NXPE2: variants seen among roughly 807,000 people sequenced by gnomAD.
NXPE2 encodes NXPE family member 2.
In NXPE2, 34 loss-of-function variants were observed where a neutral mutation model predicts 34.4. The ratio of observed to expected loss-of-function variants is 0.99; its 90% CI spans 0.75 to 1.31. The LOEUF (loss-of-function observed/expected upper bound fraction) is 1.31. NXPE2 is among the 40% of genes most tolerant of loss of function. NXPE2 has a pLI of 0.00. For synonymous variants in NXPE2, 235 were observed against 231.3 expected, an observed-to-expected ratio of 1.02 and a Z score of -0.15; for missense variants, 649 against 672.5, an observed-to-expected ratio of 0.97 and a Z score of 0.39.
the NXPE2 span, among the ~76,000 whole-genome samples, chr11:114,538,778 G>A: frequency 1.3e-5 from 2 of 152,028 alleles, no homozygotes; most frequent in African/African-American, 4.8e-5. Flanking sequence ...AAAAAGTCAG[G>A]AAACAACAGG....
At chr11:114,632,883 T>TAATTA in the NXPE2 span, among the ~76,000 whole-genome samples, 1 of 52,616 alleles carries the variant, frequency 1.9e-5, no homozygotes, top group Non-Finnish European at 3.3e-5. Flanking sequence ...TATAATTATA[T>TAATTA]ATTATATAAT....
chr11:114,674,674 C>G (rs1950837997), upstream of NXPE2, among the ~76,000 whole-genome samples: 2 of 151,542 alleles, frequency 1.3e-5, no homozygotes, highest in African/African-American at 4.8e-5. Flanking sequence ...AACTGTTCAA[C>G]AAAGAAAAGA....
At chr11:114,504,621 G>A in the NXPE2 span, among the ~76,000 whole-genome samples, 1 of 152,156 alleles carries the variant, frequency 6.6e-6, no homozygotes, top group East Asian at 1.9e-4. Context: ...ATGCACTCCA[G>A]GAGTTGGGAG....
At chr11:114,597,412 C>G in the NXPE2 span, among the ~76,000 whole-genome samples, 1 of 152,084 alleles carries the variant, frequency 6.6e-6, no homozygotes, top group Non-Finnish European at 1.5e-5. Flanking sequence ...GAGAAAGAAA[C>G]TATAAACAAG....
the NXPE2 span, among the ~76,000 whole-genome samples, chr11:114,812,958 C>G: frequency 6.6e-6 from 1 of 152,166 alleles, no homozygotes; most frequent in East Asian, 1.9e-4. Context: ...TAGCCAAGCT[C>G]CTGGGCTTAT....
At chr11:114,467,657 G>A in the NXPE2 span, among the ~76,000 whole-genome samples, 5 of 152,056 alleles carry the variant, frequency 3.3e-5, no homozygotes, top group Non-Finnish European at 5.9e-5. Flanking sequence ...AACTATCGGC[G>A]GGTGCAGTGG....
At chr11:114,535,075 C>T in the NXPE2 span, among the ~76,000 whole-genome samples, 23 of 152,324 alleles carry the variant, frequency 1.5e-4, no homozygotes, top group African/African-American at 5.5e-4. Flanking sequence ...AGACTAACAG[C>T]TGATCTCTTG....
At chr11:114,633,227 A>T in the NXPE2 span, among the ~76,000 whole-genome samples, 10 of 132,080 alleles carry the variant, frequency 7.6e-5, no homozygotes, top group Admixed American at 6.6e-4. Flanking sequence ...TATATATATA[A>T]ATATATGTAA....
chr11:114,494,545 A>G, the NXPE2 span, among the ~76,000 whole-genome samples: 1 of 152,046 alleles, frequency 6.6e-6, no homozygotes, highest in African/African-American at 2.4e-5. Flanking sequence ...TTTCTGCTAG[A>G]TTCTTTTTAA....
the NXPE2 span, among the ~76,000 whole-genome samples, chr11:114,621,746 T>A: frequency 6.6e-6 from 1 of 151,562 alleles, no homozygotes; most frequent in Non-Finnish European, 1.5e-5. Context: ...CACGGTTAAC[T>A]GCTAGATAAT....
chr11:114,698,682 G>A lies in NXPE2; in HGVS notation c.770G>A (p.Arg257Lys), dbSNP rs1206981414. 1.9e-6 allele frequency: 3 copies of A among 1,614,138 alleles called. No individual in the cohort carries two copies. The South Asian group carries it at 3.3e-5, about 18-fold the overall frequency. Reference sequence around the variant, plus strand: ...GACCAAGAAGCCTTCTACTGTGTGAGGCCTCAACATATGCCCTGTGAGGCC... The same window carrying A: ...GACCAAGAAGCCTTCTACTGTGTGAAGCCTCAACATATGCCCTGTGAGGCC... ...DRDQEAFYCV[R>K]PQHMPCEALT... Residue 257 changes from arginine (R) to lysine (K), a missense_variant, in exon 3 of 6, where the codon AGG becomes AAG. By Grantham distance (26) the Arg-to-Lys change is conservative. Coordinates refer to ENST00000389586, the MANE Select transcript of NXPE2 (RefSeq NM_182495.6).
chr11:114,750,647 C>T, the NXPE2 span, among the ~76,000 whole-genome samples: 4 of 152,166 alleles, frequency 2.6e-5, no homozygotes, highest in Admixed American at 6.5e-5. Context: ...AACACTCCAA[C>T]ATTATGTTTT....
the NXPE2 span, among the ~76,000 whole-genome samples, chr11:114,756,514 A>G: frequency 4.9e-3 from 744 of 152,272 alleles, 3 homozygotes; most frequent in African/African-American, 0.017. Context: ...CTATATTTCT[A>G]AATCCTTAAG....
At chr11:114,498,958 G>A in the NXPE2 span, among the ~76,000 whole-genome samples, 2 of 152,074 alleles carry the variant, frequency 1.3e-5, no homozygotes, top group Non-Finnish European at 2.9e-5. Flanking sequence ...TAAATTGCAT[G>A]TTAATTGTCT....
the NXPE2 span, among the ~76,000 whole-genome samples, chr11:114,637,675 T>C: frequency 1.3e-5 from 2 of 151,060 alleles, no homozygotes; most frequent in Non-Finnish European, 1.5e-5. Flanking sequence ...ACAAAATCTC[T>C]CAGCATTTGC....
At chr11:114,619,157 AG>A in the NXPE2 span, among the ~76,000 whole-genome samples, 1 of 151,740 alleles carries the variant, frequency 6.6e-6, no homozygotes, top group African/African-American at 2.4e-5. Context: ...GTGGGTAATA[AG>A]TATTGCCTCT....
the NXPE2 span, chr11:114,522,025 G>T: frequency 5.6e-6 from 9 of 1,613,794 alleles, no homozygotes; most frequent in Non-Finnish European, 7.6e-6. Context: ...GATCAGGTGG[G>T]TGGATAGTGT....
the NXPE2 span, chr11:114,512,597 A>G: frequency 6.5e-6 from 1 of 152,748 alleles, no homozygotes; most frequent in Non-Finnish European, 1.5e-5. Context: ...ACCTGATAGG[A>G]CTGTGGCCTT....
the NXPE2 span, among the ~76,000 whole-genome samples, chr11:114,587,121 TG>T: frequency 1.3e-5 from 2 of 152,162 alleles, no homozygotes; most frequent in South Asian, 4.1e-4. Flanking sequence ...TCGCTTTTTT[TG>T]CCCCTCTACA....
Sources: allele counts gnomAD v4.1 joint callset (sites outside exome capture counted in the v4.1 genomes callset), GRCh38; gene constraint gnomAD v4.1.1; transcripts MANE v1.5; gene names NCBI Gene and HGNC (gene_info 2026-07-23, HGNC 2026-07-21).